The following NR5A1 variants were observed in gnomAD, a reference collection of about 807,000 sequenced individuals.
NR5A1 encodes the protein steroidogenic factor 1.
In NR5A1, 6 loss-of-function variants were observed where a neutral mutation model predicts 42.7. The observed-to-expected ratio is 0.14, with a 90% CI of 0.08 to 0.28. NR5A1 has a LOEUF of 0.28. Among genes scored for constraint, NR5A1 ranks in the 10% least tolerant of loss-of-function variants. The pLI, the probability that NR5A1 is intolerant of heterozygous loss-of-function variation, is 1.00. For missense variants in NR5A1, 442 were observed against 626.4 expected, an observed-to-expected ratio of 0.71 and a Z score of 3.14; for synonymous variants, 274 against 277.5, an observed-to-expected ratio of 0.99 and a Z score of 0.12.
In NR5A1 at chr9:124,482,682, A is replaced by T; in HGVS notation, c.*76T>A. The T allele has an allele frequency of 1.6e-6, 2 of 1,249,462 alleles. No individual in the cohort carries two copies. Among genetic ancestry groups the T allele is most frequent in the East Asian group, 2.9e-5 (1 of 35,044 alleles). 77.4% of individuals were successfully genotyped at this position (1,249,462 alleles called of 1,614,324 possible). On this transcript the variant is annotated 3_prime_UTR_variant, in exon 7 of 7. Coordinates refer to ENST00000373588, the MANE Select transcript of NR5A1 (RefSeq NM_004959.5). ...ATCAGAAAATGAACCATGCGGAGCC[A>T]GCGGTGTGGCTGCGGCCCCGCCCAG... is the stretch of plus-strand genomic sequence containing the variant.
intron 6 of NR5A1, among the ~76,000 whole-genome samples, chr9:124,487,622 G>A (rs908897051): frequency 5.9e-5 from 9 of 152,262 alleles, no homozygotes; most frequent in Non-Finnish European, 8.8e-5. Context: ...CGCTGAGTGA[G>A]CCGCAGGGCG....
chr9:124,487,200 A>G (rs1303683967), intron 6 of NR5A1, among the ~76,000 whole-genome samples: 1 of 152,250 alleles, frequency 6.6e-6, no homozygotes, highest in Non-Finnish European at 1.5e-5. Flanking sequence ...CCCCCTTTTC[A>G]TGGTTTAATT....
rs1182173436 is a variant in NR5A1 at position 124,482,904 on chromosome 9, C to T, written c.1240G>A (p.Asp414Asn). The T allele has an allele frequency of 6.2e-7, 1 of 1,614,192 alleles. No individual in the cohort carries two copies. The change falls in exon 7 of 7, where the codon GAC becomes AAC. Residue 414 changes from aspartate (D) to asparagine (N), a missense_variant. Physicochemically the swap from Asp to Asn is conservative, Grantham distance 23 (BLOSUM62 1). Around this residue, in one of 3 missense-constraint regions of NR5A1, gnomAD observed 163 missense variants for 265.8 expected, o/e 0.61. Coordinates refer to ENST00000373588, the MANE Select transcript of NR5A1 (RefSeq NM_004959.5). ...CACAGCAGCAGCTGCTGGAATTTGT[C>T]CCCGCAGTGCGGGTAGTGGCACAGG... ...YTLCHYPHCGDKFQQLLLCLV... is the reference protein window; with the variant it reads ...YTLCHYPHCGNKFQQLLLCLV...
Position 124,503,180 on chromosome 9 carries a change from G to C in NR5A1, c.143C>G (p.Thr48Arg), listed in dbSNP as rs753808161. The C allele has an allele frequency of 6.2e-7, 1 of 1,602,928 alleles. No homozygotes were observed. Among genetic ancestry groups the C allele is most frequent in the South Asian group, 1.1e-5 (1 of 89,206 alleles). Residue 48 changes from threonine (T) to arginine (R), a missense_variant, in exon 3 of 7, where the codon ACG becomes AGG. Thr to Arg is a moderately conservative substitution (Grantham distance 71). Coordinates refer to ENST00000373588, the MANE Select transcript of NR5A1 (RefSeq NM_004959.5). The surrounding 1 kb of genome is among the most constrained non-coding windows in gnomAD (Gnocchi z 9.6). ...CTTGCAGCTCTGGCTCTCGGTGCAC[G>C]TGTAGTGCTTGTTGTTCTGCACCGT... ...KRTVQNNKHY[T>R]CTESQSCKID...
At chr9:124,492,828 G>A (rs1464261071) in intron 5 of NR5A1, among the ~76,000 whole-genome samples, 3 of 152,222 alleles carry the variant, frequency 2.0e-5, no homozygotes, top group South Asian at 2.1e-4. Flanking sequence ...CCCAGGGGCC[G>A]GCGCCTCTCA....
rs750575681 is a variant in NR5A1, at chr9:124,501,374, C to G, written c.245-659G>C. Among the ~76,000 whole-genome samples the G allele has an allele frequency of 3.3e-5, 5 of 152,246 alleles. No homozygotes were observed. The highest frequency in any genetic ancestry group is 7.3e-5 in the Non-Finnish European group (5 of 68,048). The stretch of plus-strand genomic sequence containing the variant: ...TGCGAATGTGAAGCCAAGTTTAGAG[C>G]TGGCCAAGGCTCTATGCTGGGGGAG... On this transcript the variant is annotated intron_variant, in intron 3 of 6. Coordinates refer to ENST00000373588, the MANE Select transcript of NR5A1 (RefSeq NM_004959.5). The surrounding 1 kb of genome is among the most constrained non-coding windows in gnomAD (Gnocchi z 4.1).
At chr9:124,487,430 C>G (rs1447042788) in intron 6 of NR5A1, among the ~76,000 whole-genome samples, 1 of 152,248 alleles carries the variant, frequency 6.6e-6, no homozygotes, top group Non-Finnish European at 1.5e-5. Flanking sequence ...TAGGTCAATC[C>G]ATTAAGCTTC....
intron 4 of NR5A1, among the ~76,000 whole-genome samples, chr9:124,493,974 G>C (rs1043518661): frequency 6.6e-6 from 1 of 152,102 alleles, no homozygotes; most frequent in African/African-American, 2.4e-5. Flanking sequence ...AGACTCTCCC[G>C]GGATCACACA....
rs1832579010 is a variant in NR5A1, at chr9:124,507,391, C to T, written c.-158G>A. On this transcript the variant is annotated 5_prime_UTR_variant, in exon 1 of 7. Coordinates refer to ENST00000373588, the MANE Select transcript of NR5A1 (RefSeq NM_004959.5). Reference sequence around the variant, plus strand: ...CACACCACGGCGGGCGGCAGCCGGACAGCAGGCTGGCCCTGTCCGTCCGTC... The same window carrying T: ...CACACCACGGCGGGCGGCAGCCGGATAGCAGGCTGGCCCTGTCCGTCCGTC... 6.6e-6 allele frequency: 1 copy of T among 152,242 alleles called. No individual in the cohort carries two copies. The highest frequency in any genetic ancestry group is 6.5e-5 in the Admixed American group (1 of 15,290). The allele number at this position is 152,242 out of a possible 1,614,324, so 9.4% of individuals were successfully genotyped here. A position where few individuals can be genotyped will look rare whatever the true frequency, so the allele number is the denominator to read the frequency against.
chr9:124,488,456 C>T (rs1161866927), intron 6 of NR5A1, among the ~76,000 whole-genome samples: 1 of 152,234 alleles, frequency 6.6e-6, no homozygotes, highest in East Asian at 1.9e-4. Flanking sequence ...CCCACATCAG[C>T]CAGACCCATG....
rs1400600637 is a variant in NR5A1 at position 124,491,123 on chromosome 9, G to A, written c.1096C>T (p.Gln366Ter). The part of the protein sequence containing the change: ...LQLLALQLDR[Q>*]EFVCLKFIIL... ...ATGAACTTGAGGCAGACAAACTCCT[G>A]CCGGTCCAGCTGCAGCGCAAGCAGC... Residue 366 changes from glutamine (Q) to a stop codon, truncating the protein, a stop_gained, in exon 6 of 7, where the codon CAG becomes TAG. Coordinates refer to ENST00000373588, the MANE Select transcript of NR5A1 (RefSeq NM_004959.5). LOFTEE classifies it high-confidence loss of function. 6.3e-7 allele frequency: 1 copy of A among 1,598,712 alleles called. No homozygotes were observed. The highest frequency in any genetic ancestry group is 8.5e-7 in the Non-Finnish European group (1 of 1,173,004).
chr9:124,492,952 C>G, intron 5 of NR5A1, 78 bp downstream of exon 5: 2 of 1,461,014 alleles, frequency 1.4e-6, no homozygotes, highest in African/African-American at 2.8e-5. Flanking sequence ...CTGGGTCCTC[C>G]TCTCCGGGGC....
Position 124,504,051 on chromosome 9 carries a change from A to AGAGAGAGAG in NR5A1, c.-15-642_-15-641insCTCTCTCTC, listed in dbSNP as rs879911122. Among the ~76,000 whole-genome samples, 699 of 126,574 alleles carry AGAGAGAGAG rather than the reference A, an allele frequency of 5.5e-3. 76 individuals carry two copies. Among genetic ancestry groups the AGAGAGAGAG allele is most frequent in the African/African-American group, 0.021 (519 of 24,260 alleles). The allele number at this position is 126,574 out of a possible 152,430, so 83.0% of individuals were successfully genotyped here. A position where few individuals can be genotyped will look rare whatever the true frequency, so the allele number is the denominator to read the frequency against. ...GAGAGAGAGAGAGAGAGAGAGAGAG[A>AGAGAGAGAG]CGAGAGAGAGAGAGAGAGAGAGAAA... is the stretch of plus-strand genomic sequence containing the variant. On this transcript the variant is annotated intron_variant, in intron 1 of 6. Coordinates refer to ENST00000373588, the MANE Select transcript of NR5A1 (RefSeq NM_004959.5).
intron 5 of NR5A1, among the ~76,000 whole-genome samples, chr9:124,491,517 C>T (rs1218050595): frequency 6.6e-6 from 1 of 152,186 alleles, no homozygotes; most frequent in Non-Finnish European, 1.5e-5. Context: ...AACCCCAGCA[C>T]CAGGCCCAGC....
In NR5A1 at chr9:124,482,683, G is replaced by T. The variant is rs889006988; in HGVS notation, c.*75C>A. 6.7e-5 allele frequency: 84 copies of T among 1,253,316 alleles called. No homozygotes were observed. Among genetic ancestry groups the T allele is most frequent in the Admixed American group, 2.2e-4 (11 of 48,934 alleles). 77.6% of individuals were successfully genotyped at this position (1,253,316 alleles called of 1,614,324 possible). A position where few individuals can be genotyped will look rare whatever the true frequency, so the allele number is the denominator to read the frequency against. On this transcript the variant is annotated 3_prime_UTR_variant, in exon 7 of 7. Transcript: ENST00000373588. ...TCAGAAAATGAACCATGCGGAGCCA[G>T]CGGTGTGGCTGCGGCCCCGCCCAGG...
Position 124,493,008 on chromosome 9 carries a change from G to T in NR5A1, c.990+22C>A, listed in dbSNP as rs575856316. 2.4e-4 allele frequency: 372 copies of T among 1,565,616 alleles called. 6 individuals are homozygous for T. In the South Asian group the frequency reaches 4.1e-3, roughly 17 times the overall value. On this transcript the variant is annotated intron_variant, in intron 5 of 6. Coordinates refer to ENST00000373588, the MANE Select transcript of NR5A1 (RefSeq NM_004959.5). ...AGCGGGGCCAGGGCGGGGCCCAGGGGCGGGGCCGAGGGACTGGTCACCTCC... is the reference window on the plus strand; with the variant it reads ...AGCGGGGCCAGGGCGGGGCCCAGGGTCGGGGCCGAGGGACTGGTCACCTCC...
Position 124,503,854 on chromosome 9 carries a change from C to G in NR5A1, c.-15-444G>C, listed in dbSNP as rs1304080397. 6.6e-6 allele frequency among the ~76,000 whole-genome samples: 1 copy of G among 152,058 alleles called. No individual in the cohort carries two copies. The highest frequency in any genetic ancestry group is 2.4e-5 in the African/African-American group (1 of 41,382). On this transcript the variant is annotated intron_variant, in intron 1 of 6. Coordinates refer to ENST00000373588, the MANE Select transcript of NR5A1 (RefSeq NM_004959.5). This position sits in a 1 kb window ranked among gnomAD's most constrained non-coding sequence, Gnocchi z 9.6. ...GAGACGAAGGAGGCAGAGACAGAGT[C>G]CGGGGGAGCCAGAGATGGGAAGAAA... is the stretch of plus-strand genomic sequence containing the variant.
rs1218724541 is a variant in NR5A1 at position 124,494,923 on chromosome 9, C to T, written c.871-1774G>A. On this transcript the variant is annotated intron_variant, in intron 4 of 6. Coordinates refer to ENST00000373588, the MANE Select transcript of NR5A1 (RefSeq NM_004959.5). ...GAACTGGGCCAAGCCTAATGAACAG[C>T]TCTGTCTCGTAGGAGATAGAAGCAC... Among the ~76,000 whole-genome samples the T allele has an allele frequency of 3.3e-5, 5 of 152,218 alleles. No individual in the cohort carries two copies. In the East Asian group the frequency reaches 9.6e-4, roughly 29 times the overall value.
Position 124,492,296 on chromosome 9 carries a change from G to C in NR5A1, c.990+734C>G, listed in dbSNP as rs1832327063. Among the ~76,000 whole-genome samples the C allele has an allele frequency of 2.0e-5, 3 of 149,104 alleles. No individual in the cohort carries two copies. The South Asian group carries it at 6.4e-4, about 32-fold the overall frequency. On this transcript the variant is annotated intron_variant, in intron 5 of 6. Coordinates refer to ENST00000373588, the MANE Select transcript of NR5A1 (RefSeq NM_004959.5). ...TCTCTCCAGGTGAGTCTTCCTCCGTGGCTGTGCCCCCGTGTCCCCACCCTG... is the reference window on the plus strand; with the variant it reads ...TCTCTCCAGGTGAGTCTTCCTCCGTCGCTGTGCCCCCGTGTCCCCACCCTG...
Sources: gnomAD v4.1 joint callset for allele counts (sites outside exome capture counted in the v4.1 genomes callset) on GRCh38, gnomAD v4.1.1 for gene constraint, gnomAD v4.1.1 regional missense constraint, Gnocchi (gnomAD v3.1) non-coding constraint, MANE v1.5 for transcripts, NCBI Gene and HGNC (gene_info 2026-07-23, HGNC 2026-07-21) for gene names.